Variants in NRF1 observed in about 807,000 individuals in gnomAD.
The protein encoded by NRF1 is nuclear respiratory factor 1.
NRF1 carries 5 observed loss-of-function variants against 58.5 expected under a neutral mutation model. That is an observed-to-expected ratio of 0.09 (90% confidence interval 0.04 to 0.18). The LOEUF is 0.18. Ranked by LOEUF, NRF1 falls within the 10% of genes least tolerant of loss-of-function variation. The probability of loss-of-function intolerance (pLI) is 1.00; values close to 1 mark genes in which losing one functional copy is unlikely to be tolerated. For synonymous variants in NRF1, 224 were observed against 246.7 expected (o/e 0.91, Z 0.86); for missense variants, 288 against 657.7 (o/e 0.44, Z 6.15).
intron 1 of NRF1, among the ~76,000 whole-genome samples, chr7:129,612,597 C>G (rs1304824516): frequency 6.6e-6 from 1 of 152,184 alleles, no homozygotes; most frequent in Non-Finnish European, 1.5e-5. Context: ...GCGGAGGGGC[C>G]GCGGTTCTTC....
intron 4 of NRF1, among the ~76,000 whole-genome samples, chr7:129,679,670 C>T (rs1044038718): frequency 1.3e-5 from 2 of 151,656 alleles, no homozygotes; most frequent in Non-Finnish European, 2.9e-5. Context: ...TTGCAGTGAG[C>T]CAAGATCGTG....
At chr7:129,729,366 T>A (rs1803526858) in intron 10 of NRF1, among the ~76,000 whole-genome samples, 1 of 152,240 alleles carries the variant, frequency 6.6e-6, no homozygotes, top group South Asian at 2.1e-4. Flanking sequence ...GTGAATCATT[T>A]GGTGTGATTT....
chr7:129,742,719 G>A (rs780965813), intron 10 of NRF1, among the ~76,000 whole-genome samples: 3 of 152,210 alleles, frequency 2.0e-5, no homozygotes, highest in African/African-American at 7.2e-5. Context: ...GTGTTGCACA[G>A]TGTGAGTGTA....
chr7:129,675,021 A>G (rs552137716), intron 3 of NRF1, among the ~76,000 whole-genome samples: 1 of 151,944 alleles, frequency 6.6e-6, no homozygotes, highest in Non-Finnish European at 1.5e-5. Flanking sequence ...ATCCCCTCCA[A>G]CTCTGCTGCT....
At chr7:129,728,426 G>A (rs10238665) in intron 10 of NRF1, among the ~76,000 whole-genome samples, 26,116 of 134,310 alleles carry the variant, frequency 0.19, 2,594 homozygotes, top group East Asian at 0.48. Context: ...CTGAGATTGC[G>A]CCACTGCACT....
intron 3 of NRF1, among the ~76,000 whole-genome samples, chr7:129,677,036 A>C (rs1802197855): frequency 6.8e-6 from 1 of 146,884 alleles, no homozygotes; most frequent in African/African-American, 2.5e-5. Flanking sequence ...TTTGAGAAAA[A>C]GTCTTGCTCT....
In NRF1 at chr7:129,666,563, A is replaced by G. The variant is rs78444331; in HGVS notation, c.224-4866A>G. Among the ~76,000 whole-genome samples the G allele has an allele frequency of 2.1e-3, 315 of 151,836 alleles. 3 individuals carry two copies. In the East Asian group the frequency reaches 0.056, roughly 27 times the overall value. On this transcript the variant is annotated intron_variant, in intron 2 of 10. Coordinates refer to ENST00000393232, the MANE Select transcript of NRF1 (RefSeq NM_005011.5). ...TTGTTGTTTTTTGAGATGGAGTTTC[A>G]CTCTGTTGCCCTGGCTGGAGTGCAG... is the stretch of plus-strand genomic sequence containing the variant.
intron 10 of NRF1, among the ~76,000 whole-genome samples, chr7:129,739,306 T>C (rs1803793569): frequency 6.6e-6 from 1 of 152,238 alleles, no homozygotes; most frequent in Non-Finnish European, 1.5e-5. Flanking sequence ...TATTCACATT[T>C]AAATGTAAAC....
intron 1 of NRF1, among the ~76,000 whole-genome samples, chr7:129,625,060 T>C (rs1800883572): frequency 6.6e-6 from 1 of 152,152 alleles, no homozygotes; most frequent in Admixed American, 6.6e-5. Flanking sequence ...AATCAAGGTG[T>C]TCACAGGGTG....
intron 1 of NRF1, among the ~76,000 whole-genome samples, chr7:129,641,229 G>T (rs1043182878): frequency 6.6e-6 from 1 of 152,050 alleles, no homozygotes; most frequent in African/African-American, 2.4e-5. Context: ...TGAAAAATGA[G>T]AATTTAACTC....
chr7:129,677,847 G>A, intron 4 of NRF1, 89 bp downstream of exon 4: 1 of 1,500,210 alleles, frequency 6.7e-7, no homozygotes, highest in South Asian at 1.2e-5. Flanking sequence ...ATAACAGTTG[G>A]CATTTCTGTT....
At chr7:129,679,775 G>A (rs1185376489) in intron 4 of NRF1, among the ~76,000 whole-genome samples, 1 of 150,912 alleles carries the variant, frequency 6.6e-6, no homozygotes, top group Non-Finnish European at 1.5e-5. Flanking sequence ...ATAGGCAAAA[G>A]GGCCACACAC....
intron 4 of NRF1, among the ~76,000 whole-genome samples, chr7:129,683,308 TGTGTGTGTGTGTGA>T (rs977527728): frequency 3.5e-5 from 5 of 143,006 alleles, no homozygotes; most frequent in East Asian, 2.4e-4. Context: ...TGTGTGTGTG[TGTGTGTGTGTGTGA>T]GAGAGAGAGA....
At chr7:129,616,024 AT>A (rs1744580775) in intron 1 of NRF1, among the ~76,000 whole-genome samples, 1 of 152,186 alleles carries the variant, frequency 6.6e-6, no homozygotes, top group Admixed American at 6.5e-5. Flanking sequence ...AAATAAGTGG[AT>A]TGCTTATACC....
intron 5 of NRF1, 66 bp from the exon 6 acceptor site, chr7:129,709,009 T>G: frequency 7.9e-7 from 1 of 1,263,420 alleles, no homozygotes; most frequent in East Asian, 2.8e-5. Context: ...GGTTAGAATT[T>G]AAGGAGTCAT....
At chr7:129,644,701 A>G (rs879358571) in intron 1 of NRF1, among the ~76,000 whole-genome samples, 5 of 152,194 alleles carry the variant, frequency 3.3e-5, no homozygotes, top group African/African-American at 9.7e-5. Flanking sequence ...CCTATAAGAG[A>G]GTTGACATAT....
intron 10 of NRF1, among the ~76,000 whole-genome samples, chr7:129,744,718 C>G (rs1803931213): frequency 6.6e-6 from 1 of 152,164 alleles, no homozygotes; most frequent in Non-Finnish European, 1.5e-5. Flanking sequence ...ACTTACTGAT[C>G]TGCTTTTTTC....
intron 5 of NRF1, among the ~76,000 whole-genome samples, chr7:129,697,847 G>A (rs911662494): frequency 6.6e-6 from 1 of 152,014 alleles, no homozygotes; most frequent in South Asian, 2.1e-4. Flanking sequence ...CGATTCTCCT[G>A]CCTCAGCCTC....
At chr7:129,748,516 A>G (rs1049820364) in intron 10 of NRF1, among the ~76,000 whole-genome samples, 1 of 152,210 alleles carries the variant, frequency 6.6e-6, no homozygotes, top group Non-Finnish European at 1.5e-5. Flanking sequence ...AATTCCAGAC[A>G]GAGAGACCTG....
Sources: gnomAD v4.1 joint callset for allele counts (sites outside exome capture counted in the v4.1 genomes callset) on GRCh38, gnomAD v4.1.1 for gene constraint, MANE v1.5 for transcripts, NCBI Gene and HGNC (gene_info 2026-07-23, HGNC 2026-07-21) for gene names.